Variants in USH2A observed in about 807,000 individuals in gnomAD.
The protein encoded by USH2A is Usher syndrome 2A (autosomal recessive, mild).
USH2A carries 443 observed loss-of-function variants against 538.9 expected under a neutral mutation model. That is an observed-to-expected ratio of 0.82 (90% confidence interval 0.76 to 0.89). USH2A has a LOEUF of 0.89. USH2A is among the 40% of genes least tolerant of loss of function. USH2A has a pLI of 0.00. For synonymous variants in USH2A, 2,413 were observed against 2,273.5 expected (o/e 1.06, Z -1.75); for missense variants, 6,633 against 6,324.8 (o/e 1.05, Z -1.65).
At chr1:216,162,016 G>C (rs1426947951) in intron 21 of USH2A, among the ~76,000 whole-genome samples, 1 of 151,834 alleles carries the variant, frequency 6.6e-6, no homozygotes, top group East Asian at 1.9e-4. Flanking sequence ...AATATACCTG[G>C]ATATGGCTTT....
chr1:216,367,827 A>G (rs1227990253), intron 3 of USH2A, among the ~76,000 whole-genome samples: 9 of 152,196 alleles, frequency 5.9e-5, no homozygotes, highest in Admixed American at 3.9e-4. Context: ...GATTTTTGCC[A>G]TAGCTCATTC....
intron 48 of USH2A, among the ~76,000 whole-genome samples, chr1:215,816,196 G>A (rs1662853958): frequency 1.3e-5 from 2 of 151,944 alleles, no homozygotes; most frequent in South Asian, 2.1e-4. Context: ...TTAAATATGT[G>A]CATACTTAAT....
chr1:216,093,345 G>C (rs1288059056), intron 22 of USH2A, among the ~76,000 whole-genome samples: 1 of 152,196 alleles, frequency 6.6e-6, no homozygotes, highest in Non-Finnish European at 1.5e-5. Flanking sequence ...GGTAGGGACA[G>C]AGCAACTGGG....
intron 32 of USH2A, among the ~76,000 whole-genome samples, chr1:216,026,154 T>C (rs1242276120): frequency 2.0e-5 from 3 of 152,150 alleles, no homozygotes; most frequent in Non-Finnish European, 4.4e-5. Flanking sequence ...GATGGAATTT[T>C]CATCCAAGCA....
At chr1:215,907,149 T>A (rs147438277) in intron 38 of USH2A, among the ~76,000 whole-genome samples, 64 of 152,138 alleles carry the variant, frequency 4.2e-4, no homozygotes, top group African/African-American at 1.5e-3. Context: ...TATAACCTTT[T>A]GTTCACATTG....
At chr1:216,228,358 C>T (rs190763617) in intron 14 of USH2A, among the ~76,000 whole-genome samples, 11 of 152,066 alleles carry the variant, frequency 7.2e-5, no homozygotes, top group African/African-American at 2.4e-4. Flanking sequence ...AAAAGGAAAA[C>T]CTGGAACTGG....
At chr1:216,302,706 A>G (rs1053208902) in intron 9 of USH2A, among the ~76,000 whole-genome samples, 2 of 152,120 alleles carry the variant, frequency 1.3e-5, no homozygotes, top group East Asian at 1.9e-4. Context: ...ATAAGTGGCT[A>G]TTTTTAGAAA....
At chr1:216,111,756 G>T (rs535617540) in intron 21 of USH2A, among the ~76,000 whole-genome samples, 1 of 149,608 alleles carries the variant, frequency 6.7e-6, no homozygotes, top group Non-Finnish European at 1.5e-5. Context: ...AAACTAAAAA[G>T]AAAATTTTCA....
At chr1:215,756,707 T>C (rs558549968) in intron 58 of USH2A, among the ~76,000 whole-genome samples, 9 of 152,030 alleles carry the variant, frequency 5.9e-5, no homozygotes, top group Non-Finnish European at 1.2e-4. Flanking sequence ...GGGCGGATCA[T>C]GAAGTCAGGA....
chr1:215,866,701 AATG>A (rs1184224959), intron 44 of USH2A, among the ~76,000 whole-genome samples: 3 of 152,188 alleles, frequency 2.0e-5, no homozygotes, highest in African/African-American at 7.2e-5. Context: ...ATGCAAAGGA[AATG>A]ACAGAGGGAG....
chr1:216,059,499 C>T (rs1337179797), intron 30 of USH2A, among the ~76,000 whole-genome samples: 1 of 152,198 alleles, frequency 6.6e-6, no homozygotes, highest in Non-Finnish European at 1.5e-5. Flanking sequence ...CAGATGTTGA[C>T]ATTTTCCATA....
rs138979648 is a variant in USH2A, at chr1:216,020,141, C to T, written c.6326-19579G>A. On this transcript the variant is annotated intron_variant, in intron 32 of 71. Coordinates refer to ENST00000307340, the MANE Select transcript of USH2A (RefSeq NM_206933.4). ...TATAAGTGTTCACACTATGACAACA[C>T]CTTTTTTATTTCTGAATTAATTCAT... is the stretch of plus-strand genomic sequence containing the variant. 2.6e-4 allele frequency among the ~76,000 whole-genome samples: 40 copies of T among 152,218 alleles called. No homozygotes were observed. In the East Asian group the frequency reaches 6.9e-3, roughly 26 times the overall value.
chr1:216,113,278 G>A (rs937176966), intron 21 of USH2A, among the ~76,000 whole-genome samples: 1 of 152,014 alleles, frequency 6.6e-6, no homozygotes, highest in Non-Finnish European at 1.5e-5. Flanking sequence ...TGAATTGCAT[G>A]ATCTCTAAAA....
chr1:216,108,425 C>T (rs2102583451), intron 21 of USH2A, among the ~76,000 whole-genome samples: 1 of 150,600 alleles, frequency 6.6e-6, no homozygotes, highest in South Asian at 2.1e-4. Flanking sequence ...AGTAATCGGA[C>T]TGTGAGTATA....
Position 216,246,800 on chromosome 1 carries a change from G to T in USH2A, c.2594C>A (p.Thr865Lys). 1 of 1,614,136 alleles carries T rather than the reference G, an allele frequency of 6.2e-7. No individual in the cohort carries two copies. The highest frequency in any genetic ancestry group is 8.5e-7 in the Non-Finnish European group (1 of 1,179,988). Residue 865 changes from threonine (T) to lysine (K), a missense_variant, in exon 13 of 72, where the codon ACA becomes AAA. Thr to Lys is a moderately conservative substitution (Grantham distance 78). Coordinates refer to ENST00000307340, the MANE Select transcript of USH2A (RefSeq NM_206933.4). ...CCCTAATTTGCAAGGACATTGTCCTGTTGATTTGTTACACAGCAGAGAGCC... is the reference window on the plus strand; with the variant it reads ...CCCTAATTTGCAAGGACATTGTCCTTTTGATTTGTTACACAGCAGAGAGCC... ...INGSLLCNKS[T>K]GQCPCKLGVT...
intron 4 of USH2A, among the ~76,000 whole-genome samples, chr1:216,340,213 C>T (rs765579137): frequency 6.6e-6 from 1 of 152,020 alleles, no homozygotes; most frequent in Non-Finnish European, 1.5e-5. Flanking sequence ...AGTATAGATA[C>T]CTCTACACAA....
chr1:215,899,925 C>A, intron 40 of USH2A, 150 bp downstream of exon 40: 1 of 1,132,580 alleles, frequency 8.8e-7, no homozygotes, highest in East Asian at 2.5e-5. Flanking sequence ...GACTGACCAC[C>A]TTTGCTCACT....
intron 50 of USH2A, among the ~76,000 whole-genome samples, chr1:215,791,654 A>G (rs1408175872): frequency 1.3e-5 from 2 of 152,212 alleles, no homozygotes; most frequent in Non-Finnish European, 2.9e-5. Context: ...TTGGTTTACA[A>G]ATTAACTGCT....
chr1:215,982,070 A>G (rs1239254076), intron 35 of USH2A, among the ~76,000 whole-genome samples: 2 of 152,212 alleles, frequency 1.3e-5, no homozygotes, highest in African/African-American at 4.8e-5. Context: ...TTCAAAACAA[A>G]GTCAAAAGCT....
Sources: gnomAD v4.1 joint callset for allele counts (sites outside exome capture counted in the v4.1 genomes callset) on GRCh38, gnomAD v4.1.1 for gene constraint, MANE v1.5 for transcripts, NCBI Gene and HGNC (gene_info 2026-07-23, HGNC 2026-07-21) for gene names.